PSME3IP1: variants seen among roughly 807,000 people sequenced by gnomAD.
PSME3IP1 encodes the protein proteasome activator subunit 3 interacting protein 1.
A neutral mutation model predicts 34.1 loss-of-function variants in PSME3IP1; 13 were observed. That is an observed-to-expected ratio of 0.38 (90% CI 0.25 to 0.61). The LOEUF (loss-of-function observed/expected upper bound fraction) is 0.61, where lower values mean the gene tolerates loss of function less well. Among genes scored for constraint, PSME3IP1 ranks in the 20% least tolerant of loss-of-function variants. The pLI is 0.60. For missense variants in PSME3IP1, 237 were observed against 301.4 expected (o/e 0.79, Z 1.58); for synonymous variants, 93 against 114.3 (o/e 0.81, Z 1.19).
chr16:57,165,203 G>A (rs1241029186), intron 5 of PSME3IP1, among the ~76,000 whole-genome samples: 1 of 151,788 alleles, frequency 6.6e-6, no homozygotes, highest in Non-Finnish European at 1.5e-5. Flanking sequence ...TGTGTGGCGA[G>A]GGGGAAGGCT....
At chr16:57,181,703 T>C (rs1443416130) in intron 1 of PSME3IP1, 2 of 152,228 alleles carry the variant, frequency 1.3e-5, no homozygotes, top group Admixed American at 6.5e-5. Context: ...ACCCCCTCCT[T>C]AGGTTCTATT....
chr16:57,159,005 C>A (rs2070904670), intron 6 of PSME3IP1, among the ~76,000 whole-genome samples: 2 of 152,120 alleles, frequency 1.3e-5, no homozygotes, highest in African/African-American at 4.8e-5. Flanking sequence ...ATATATGCAC[C>A]CATCATTGAC....
At chr16:57,178,250 G>A (rs2073375710) in intron 1 of PSME3IP1, among the ~76,000 whole-genome samples, 1 of 152,094 alleles carries the variant, frequency 6.6e-6, no homozygotes. Context: ...CTTTTCACCC[G>A]ATGCAAACTG....
intron 4 of PSME3IP1, among the ~76,000 whole-genome samples, chr16:57,167,980 T>A (rs974994784): frequency 6.6e-6 from 1 of 152,208 alleles, no homozygotes; most frequent in African/African-American, 2.4e-5. Flanking sequence ...GGCTCTCAAC[T>A]TTTTACTCTT....
intron 1 of PSME3IP1, among the ~76,000 whole-genome samples, chr16:57,184,400 T>C (rs376620038): frequency 7.2e-5 from 11 of 152,294 alleles, no homozygotes; most frequent in South Asian, 6.2e-4. Flanking sequence ...CCATAGAGCA[T>C]AGTGGAAATA....
chr16:57,173,748 C>T lies in PSME3IP1; in HGVS notation c.107G>A (p.Arg36Gln), dbSNP rs1274438311. Residue 36 changes from arginine (R) to glutamine (Q), a missense_variant, in exon 2 of 7, where the codon CGA becomes CAA. By Grantham distance (43) the Arg-to-Gln change is conservative (BLOSUM62 1). Coordinates refer to ENST00000309137, the MANE Select transcript of PSME3IP1 (RefSeq NM_024946.4). The part of the protein sequence containing the change: ...KRRQEEWEKV[R>Q]KPEDPEECPE... ...TATACCTTCTGGATCTTCAGGTTTT[C>T]GAACTTTCTCCCATTCTTCTTGCCT... is the stretch of plus-strand genomic sequence containing the variant. 2.5e-6 allele frequency: 4 copies of T among 1,613,984 alleles called. No homozygotes were observed. The highest frequency in any genetic ancestry group is 4.5e-5 in the East Asian group (2 of 44,886).
intron 4 of PSME3IP1, among the ~76,000 whole-genome samples, chr16:57,171,602 C>A (rs576952816): frequency 2.0e-5 from 3 of 152,224 alleles, no homozygotes; most frequent in Non-Finnish European, 2.9e-5. Flanking sequence ...ATTTGGAGTA[C>A]GTTTTGGAAA....
intron 1 of PSME3IP1, among the ~76,000 whole-genome samples, chr16:57,183,478 G>T (rs1438741776): frequency 6.6e-6 from 1 of 151,962 alleles, no homozygotes; most frequent in Non-Finnish European, 1.5e-5. Flanking sequence ...GATTGCAGGT[G>T]CCCGCCACCA....
At chr16:57,177,954 G>A (rs565673850) in intron 1 of PSME3IP1, among the ~76,000 whole-genome samples, 4 of 152,262 alleles carry the variant, frequency 2.6e-5, no homozygotes, top group South Asian at 2.1e-4. Flanking sequence ...GCACCACTGC[G>A]CTCTAGCCTG....
intron 5 of PSME3IP1, among the ~76,000 whole-genome samples, chr16:57,165,032 A>C (rs2071693248): frequency 6.6e-6 from 1 of 151,764 alleles, no homozygotes; most frequent in Non-Finnish European, 1.5e-5. Context: ...GCTCAAAAAA[A>C]AAAAAAGAAA....
intron 1 of PSME3IP1, among the ~76,000 whole-genome samples, chr16:57,175,166 C>T (rs756914712): frequency 1.3e-5 from 2 of 152,186 alleles, no homozygotes; most frequent in Middle Eastern, 3.4e-3. Context: ...AGGCGTGTGC[C>T]AACACGCCCA....
At chr16:57,164,111 A>C (rs1370671668) in intron 5 of PSME3IP1, 46 bp from the exon 6 acceptor site, 1 of 1,576,164 alleles carries the variant, frequency 6.3e-7, no homozygotes, top group Non-Finnish European at 8.7e-7. Context: ...AATCTTGTGG[A>C]TCAAAGCTTA....
At chr16:57,181,326 A>G (rs1478423096) in intron 1 of PSME3IP1, among the ~76,000 whole-genome samples, 1 of 152,204 alleles carries the variant, frequency 6.6e-6, no homozygotes, top group African/African-American at 2.4e-5. Context: ...GCTCACAGGA[A>G]GAAAAACAGC....
chr16:57,171,359 C>G (rs1401492636), intron 4 of PSME3IP1, among the ~76,000 whole-genome samples: 1 of 152,148 alleles, frequency 6.6e-6, no homozygotes, highest in Admixed American at 6.5e-5. Context: ...TAATGTAGAA[C>G]CTTCTACGGC....
In PSME3IP1 at chr16:57,159,829, G is replaced by A. The variant is rs372452270; in HGVS notation, c.547+4172C>T. Among the ~76,000 whole-genome samples the A allele has an allele frequency of 4.3e-4, 66 of 152,246 alleles. No homozygotes were observed. The South Asian group carries it at 0.014, about 32-fold the overall frequency. ...CCAGGAAATAAGTACCATATAAAGA[G>A]CGACTAGCTTACTTGTAGAAATACA... On this transcript the variant is annotated intron_variant, in intron 6 of 6. Coordinates refer to ENST00000309137, the MANE Select transcript of PSME3IP1 (RefSeq NM_024946.4).
chr16:57,160,047 T>C (rs1597594942), intron 6 of PSME3IP1, among the ~76,000 whole-genome samples: 1 of 152,028 alleles, frequency 6.6e-6, no homozygotes, highest in Non-Finnish European at 1.5e-5. Flanking sequence ...AATATTCCCT[T>C]TGGGAGGCCG....
Position 57,154,543 on chromosome 16 carries a change from C to G in PSME3IP1, c.548-36G>C. The G allele has an allele frequency of 6.5e-7, 1 of 1,532,606 alleles. No individual in the cohort carries two copies. Among genetic ancestry groups the G allele is most frequent in the Non-Finnish European group, 8.8e-7 (1 of 1,134,644 alleles). 94.9% of individuals were successfully genotyped at this position (1,532,606 alleles called of 1,614,324 possible). On this transcript the variant is annotated intron_variant, in intron 6 of 6. Coordinates refer to ENST00000309137, the MANE Select transcript of PSME3IP1 (RefSeq NM_024946.4). This position sits in a 1 kb window ranked among gnomAD's most constrained non-coding sequence, Gnocchi z 4.0. The stretch of plus-strand genomic sequence containing the variant: ...AGGGGAAAGACTGTCACTTCATCAC[C>G]CTTTTCCAAAGTTGGGGACTGACTT...
At chr16:57,182,312 G>T (rs1597790757) in intron 1 of PSME3IP1, among the ~76,000 whole-genome samples, 2 of 151,970 alleles carry the variant, frequency 1.3e-5, no homozygotes. Flanking sequence ...GATTTCAAGG[G>T]TAGCTTTGCT....
In PSME3IP1 at chr16:57,153,101, G is replaced by T. The variant is rs1201460192; in HGVS notation, c.*1189C>A. 1.3e-5 allele frequency: 2 copies of T among 152,704 alleles called. No homozygotes were observed. The highest frequency in any genetic ancestry group is 4.8e-5 in the African/African-American group (2 of 41,464). The allele number at this position is 152,704 out of a possible 1,614,324, so 9.5% of individuals were successfully genotyped here. On this transcript the variant is annotated 3_prime_UTR_variant, in exon 7 of 7. Transcript: ENST00000309137. ...TTATTCTAAAGCAGGAGAGCCTACA[G>T]ATTGTTGTCAAAGCTCATGTCTATC...
Sources: gnomAD v4.1 joint callset for allele counts (sites outside exome capture counted in the v4.1 genomes callset) on GRCh38, gnomAD v4.1.1 for gene constraint, Gnocchi (gnomAD v3.1) non-coding constraint, MANE v1.5 for transcripts, NCBI Gene and HGNC (gene_info 2026-07-23, HGNC 2026-07-21) for gene names.